The following ZZEF1 variants were observed in gnomAD, a reference collection of about 807,000 sequenced individuals.
ZZEF1 encodes zinc finger ZZ-type and EF-hand domain-containing protein 1.
ZZEF1 carries 157 observed loss-of-function variants against 342.8 expected under a neutral mutation model. The observed-to-expected ratio is 0.46, with a 90% CI of 0.40 to 0.52. ZZEF1 has a LOEUF of 0.52. Among genes scored for constraint, ZZEF1 ranks in the 20% least tolerant of loss-of-function variants. The probability of loss-of-function intolerance (pLI) is 0.00; values close to 1 mark genes in which losing one functional copy is unlikely to be tolerated. For synonymous variants in ZZEF1, 1,505 were observed against 1,429.1 expected (o/e 1.05, Z -1.20); for missense variants, 3,480 against 3,725.6 (o/e 0.93, Z 1.72).
chr17:4,038,531 G>A (rs1047382290), intron 39 of ZZEF1, among the ~76,000 whole-genome samples: 4 of 152,212 alleles, frequency 2.6e-5, no homozygotes, highest in Non-Finnish European at 2.9e-5. Context: ...CAGGCCGGGC[G>A]CAGCGGCTCA....
chr17:4,033,999 C>A lies in ZZEF1; in HGVS notation c.6584+16G>T, dbSNP rs748989084. The A allele has an allele frequency of 2.5e-6, 4 of 1,611,252 alleles. No homozygotes were observed. Among genetic ancestry groups the A allele is most frequent in the Non-Finnish European group, 3.4e-6 (4 of 1,178,170 alleles). Reference sequence around the variant, plus strand: ...GATAGAGGGCAGGTGGTTAGAGGAGCGAGGACCAAGGCTACCTGTCCAGAC... The same window carrying A: ...GATAGAGGGCAGGTGGTTAGAGGAGAGAGGACCAAGGCTACCTGTCCAGAC... On this transcript the variant is annotated intron_variant, in intron 40 of 54. Transcript: ENST00000381638.
At chr17:4,066,397 A>C (rs757116560) in intron 28 of ZZEF1, 50 bp downstream of exon 28, 2 of 1,584,564 alleles carry the variant, frequency 1.3e-6, no homozygotes, top group South Asian at 1.1e-5. Flanking sequence ...TCCAGGCTCT[A>C]AAACGAAAAC....
At chr17:4,115,299 T>C (rs1024303620) in intron 3 of ZZEF1, among the ~76,000 whole-genome samples, 1 of 152,138 alleles carries the variant, frequency 6.6e-6, no homozygotes, top group African/African-American at 2.4e-5. Context: ...AGTACTGGGA[T>C]TATAGGCATC....
chr17:4,096,603 A>C lies in ZZEF1; in HGVS notation c.1764+6T>G. The C allele has an allele frequency of 3.7e-6, 6 of 1,612,822 alleles. No individual in the cohort carries two copies. Among genetic ancestry groups the C allele is most frequent in the Non-Finnish European group, 5.1e-6 (6 of 1,179,122 alleles). On this transcript the variant is annotated splice_donor_region_variant and intron_variant, in intron 10 of 54. Transcript: ENST00000381638. ...CATTGCTTAAAGAAGGTAGCACGAAAATTACCATAATTCTTATCTGTGTAA... is the reference window on the plus strand; with the variant it reads ...CATTGCTTAAAGAAGGTAGCACGAACATTACCATAATTCTTATCTGTGTAA...
intron 17 of ZZEF1, 114 bp downstream of exon 17, chr17:4,082,323 A>C (rs1179107108): frequency 1.0e-6 from 1 of 977,840 alleles, no homozygotes; most frequent in Non-Finnish European, 1.6e-6. Context: ...TCGGCTTTCT[A>C]ACTGAGTGGC....
At chr17:4,073,615 T>A (rs1218259833) in intron 24 of ZZEF1, among the ~76,000 whole-genome samples, 1 of 152,140 alleles carries the variant, frequency 6.6e-6, no homozygotes, top group Admixed American at 6.6e-5. Flanking sequence ...TTTACATTTT[T>A]TTTGGTAAAG....
rs566074000 is a variant in ZZEF1 at position 4,117,146 on chromosome 17, C to T, written c.520G>A (p.Glu174Lys). ...TGAATATCAAGGCCCTCCTTCGACT[C>T]TGAAAATATGTCTGTGAAACCTAAA... ...LVPGFTDIFS[E>K]SKEGLDIHSS... The change falls in exon 3 of 55, where the codon GAG (glutamate) becomes AAG (lysine). Residue 174 changes from glutamate (E) to lysine (K), a missense_variant. Transcript: ENST00000381638. The T allele has an allele frequency of 1.9e-6, 3 of 1,612,998 alleles. No individual in the cohort carries two copies. Among genetic ancestry groups the T allele is most frequent in the Non-Finnish European group, 2.5e-6 (3 of 1,179,258 alleles).
At chr17:4,057,492 G>A (rs1198267694) in intron 32 of ZZEF1, among the ~76,000 whole-genome samples, 7 of 152,128 alleles carry the variant, frequency 4.6e-5, no homozygotes, top group South Asian at 2.1e-4. Flanking sequence ...GGAGAGATAC[G>A]GGCCAAATCG....
At position 4,085,704 on chromosome 17, in the gene ZZEF1, C is replaced by T. The variant is rs758695334; in HGVS notation, c.2612G>A (p.Arg871Gln). ...LNGAAIFFPNRQTRRNHLFTM... is the reference protein window; with the variant it reads ...LNGAAIFFPNQQTRRNHLFTM... ...GAAGAGATGGTTCCGTCGGGTCTGTCGATTAGGAAAGAAGATGGCAGCCCC... is the reference window on the plus strand; with the variant it reads ...GAAGAGATGGTTCCGTCGGGTCTGTTGATTAGGAAAGAAGATGGCAGCCCC... The change falls in exon 16 of 55, where the codon CGA becomes CAA. Residue 871 changes from arginine (R) to glutamine (Q), a missense_variant. Coordinates refer to ENST00000381638, the MANE Select transcript of ZZEF1 (RefSeq NM_015113.4). The T allele has an allele frequency of 1.6e-5, 26 of 1,614,016 alleles. No individual in the cohort carries two copies. The highest frequency in any genetic ancestry group is 1.6e-4 in the Middle Eastern group (1 of 6,084).
At chr17:4,028,607 T>C (rs1036460794) in intron 42 of ZZEF1, among the ~76,000 whole-genome samples, 10 of 149,616 alleles carry the variant, frequency 6.7e-5, no homozygotes, top group African/African-American at 2.5e-4. Context: ...TAAATGTAAA[T>C]GGTCTAAACA....
chr17:4,087,376 G>T, intron 14 of ZZEF1, 58 bp downstream of exon 14: 1 of 1,414,578 alleles, frequency 7.1e-7, no homozygotes, highest in Non-Finnish European at 9.7e-7. Context: ...ACTTAGAATA[G>T]TAAAACTCAT....
intron 44 of ZZEF1, among the ~76,000 whole-genome samples, 171 bp from the exon 45 acceptor site, chr17:4,021,491 G>A (rs1055600750): frequency 1.3e-5 from 2 of 152,146 alleles, no homozygotes; most frequent in African/African-American, 4.8e-5. Flanking sequence ...CTTTGTGACC[G>A]AAGAAATACT....
chr17:4,096,899 G>C (rs2058043212), intron 9 of ZZEF1, among the ~76,000 whole-genome samples, 199 bp from the exon 10 acceptor site: 1 of 152,134 alleles, frequency 6.6e-6, no homozygotes, highest in South Asian at 2.1e-4. Context: ...GAACTGACCA[G>C]GTTCAACTTT....
intron 1 of ZZEF1, among the ~76,000 whole-genome samples, chr17:4,137,420 C>A (rs1482846395): frequency 1.3e-5 from 2 of 152,178 alleles, no homozygotes; most frequent in Admixed American, 6.5e-5. Context: ...ACCATCCTGG[C>A]TAACACGGTG....
At chr17:4,079,643 A>G (rs77781604) in intron 18 of ZZEF1, among the ~76,000 whole-genome samples, 1 of 152,260 alleles carries the variant, frequency 6.6e-6, no homozygotes, top group East Asian at 1.9e-4. Flanking sequence ...GTTACCCTAG[A>G]TCTAAATTAA....
Position 4,008,826 on chromosome 17 carries a change from T to C in ZZEF1, c.8805+57A>G, listed in dbSNP as rs1597744524. 1 of 1,537,874 alleles carries C rather than the reference T, an allele frequency of 6.5e-7. No individual in the cohort carries two copies. Among genetic ancestry groups the C allele is most frequent in the Non-Finnish European group, 8.7e-7 (1 of 1,144,582 alleles). On this transcript the variant is annotated intron_variant, in intron 54 of 54. Coordinates refer to ENST00000381638, the MANE Select transcript of ZZEF1 (RefSeq NM_015113.4). This position sits in a 1 kb window ranked among gnomAD's most constrained non-coding sequence, Gnocchi z 4.2. ...GTACAGACCTTCTCTGCCCTGGCAA[T>C]GGTGAGATGGTGGCGCCCCAGCCTG...
At chr17:4,105,884 C>T in intron 6 of ZZEF1, 75 bp from the exon 7 acceptor site, 1 of 1,138,338 alleles carries the variant, frequency 8.8e-7, no homozygotes, top group South Asian at 1.4e-5. Context: ...CTGTTAGAAG[C>T]TTGTTTTGAC....
Position 4,021,199 on chromosome 17 carries a change from G to A in ZZEF1, c.7334C>T (p.Pro2445Leu). The change falls in exon 45 of 55, where the codon CCT becomes CTT. Residue 2445 changes from proline to leucine, a missense_variant. This residue lies in a region of ZZEF1 where 1,269 missense variants were observed against 1,342.4 expected (regional missense o/e 0.95). Transcript: ENST00000381638. ...EEEVERPVSS[P>L]GDPEQKKLDP... The stretch of plus-strand genomic sequence containing the variant: ...CAGCTTTTTCTGCTCTGGGTCGCCA[G>A]GGCTGCTGACTGGCCGTTCCACCTC... 1 of 1,614,204 alleles carries A rather than the reference G, an allele frequency of 6.2e-7. No individual in the cohort carries two copies. The highest frequency in any genetic ancestry group is 8.5e-7 in the Non-Finnish European group (1 of 1,180,026).
At chr17:4,024,186 G>GA in intron 43 of ZZEF1, among the ~76,000 whole-genome samples, 1 of 94,408 alleles carries the variant, frequency 1.1e-5, no homozygotes, top group Non-Finnish European at 2.1e-5. Flanking sequence ...TATTGCCCAG[G>GA]TTTTTTTTTT....
Sources: allele counts gnomAD v4.1 joint callset (sites outside exome capture counted in the v4.1 genomes callset), GRCh38; gene constraint gnomAD v4.1.1; regional missense constraint gnomAD v4.1.1; non-coding constraint Gnocchi (gnomAD v3.1); transcripts MANE v1.5; gene names NCBI Gene and HGNC (gene_info 2026-07-23, HGNC 2026-07-21).